RNASEH1: variants seen among roughly 807,000 people sequenced by gnomAD.
RNASEH1 encodes the protein ribonuclease H1, also known as ribonuclease H type II.
RNASEH1 carries 27 observed loss-of-function variants against 34.6 expected under a neutral mutation model. The observed-to-expected ratio is 0.78, with a 90% CI of 0.58 to 1.08. The LOEUF is 1.08. Among genes scored for constraint, RNASEH1 ranks in the 50% least tolerant of loss-of-function variants. The probability of loss-of-function intolerance (pLI) is 0.00; values close to 1 mark genes in which losing one functional copy is unlikely to be tolerated. For missense variants in RNASEH1, 349 were observed against 373.6 expected (o/e 0.93, Z 0.54); for synonymous variants, 162 against 138.4 (o/e 1.17, Z -1.20).
In RNASEH1 at chr2:3,552,213, A is replaced by T; in HGVS notation, c.340T>A (p.Tyr114Asn). 1 of 1,613,390 alleles carries T rather than the reference A, an allele frequency of 6.2e-7. No individual in the cohort carries two copies. The highest frequency in any genetic ancestry group is 1.7e-5 in the Admixed American group (1 of 59,998). The change falls in exon 3 of 8, where the codon TAT (tyrosine) becomes AAT (asparagine). Residue 114 changes from tyrosine to asparagine, a missense_variant. Around this residue, in one of 2 missense-constraint regions of RNASEH1, gnomAD observed 256 missense variants for 240.7 expected, o/e 1.06. Transcript: ENST00000315212. The stretch of plus-strand genomic sequence containing the variant: ...ACGCTCGGCTTCATGTGCTTTGCAT[A>T]CGGCTCTGCGCTTTCATGTCCATCT... ...DGDGHESAEP[Y>N]AKHMKPSVEP...
At position 3,558,135 on chromosome 2, in the gene RNASEH1, G is replaced by A; in HGVS notation, c.126C>T (p.Thr42=). Residue 42 remains threonine (T), a splice_region_variant and synonymous_variant, in exon 1 of 8, where the codon ACC becomes ACT. Transcript: ENST00000315212. ...GCCTCGGCGGGCGGGCCACTCACCA[G>A]GTCAGAAAGACCCCGGTCTTGCGGC... ...RRGRKTGVFL[T]WNECRAQVDR... 1 of 1,597,312 alleles carries A rather than the reference G, an allele frequency of 6.3e-7. No homozygotes were observed. The highest frequency in any genetic ancestry group is 8.5e-7 in the Non-Finnish European group (1 of 1,174,056).
intron 1 of RNASEH1, chr2:3,557,674 C>A: frequency 4.8e-6 from 2 of 417,010 alleles, no homozygotes; most frequent in South Asian, 1.8e-5. Context: ...ATCCCTCTCA[C>A]CTCCAAGGGT....
intron 3 of RNASEH1, among the ~76,000 whole-genome samples, 175 bp from the exon 4 acceptor site, chr2:3,550,647 T>A (rs1453289098): frequency 1.3e-5 from 2 of 152,186 alleles, no homozygotes; most frequent in African/African-American, 4.8e-5. Flanking sequence ...ACCTAACATT[T>A]ATGCTTGGAA....
chr2:3,551,517 T>C (rs1659903973), intron 3 of RNASEH1, among the ~76,000 whole-genome samples: 2 of 152,246 alleles, frequency 1.3e-5, no homozygotes, highest in Non-Finnish European at 2.9e-5. Context: ...CTGCAAAACA[T>C]ATCTATAAAT....
chr2:3,554,336 A>C (rs1660278474), intron 2 of RNASEH1, among the ~76,000 whole-genome samples: 2 of 152,238 alleles, frequency 1.3e-5, no homozygotes, highest in Non-Finnish European at 2.9e-5. Flanking sequence ...TTACTATAAC[A>C]GAGATGGACA....
chr2:3,549,900 C>T (rs555999435), intron 4 of RNASEH1, among the ~76,000 whole-genome samples: 8 of 150,604 alleles, frequency 5.3e-5, no homozygotes, highest in Admixed American at 2.6e-4. Context: ...GAGCCGAGAT[C>T]GCGCCACTGC....
In RNASEH1 at chr2:3,550,424, C is replaced by T. The variant is rs1280401742; in HGVS notation, c.458G>A (p.Arg153His). ...YTDGCCSSNG[R>H]RRPRAGIGVY... ...GCCGATTCCTGCTCGCGGCCTTCTA[C>T]GCCCATTACTGGAGCAGCAGCCATC... Residue 153 changes from arginine to histidine, a missense_variant, in exon 4 of 8, where the codon CGT (arginine) becomes CAT (histidine). By Grantham distance (29) the Arg-to-His change is conservative (BLOSUM62 0). Coordinates refer to ENST00000315212, the MANE Select transcript of RNASEH1 (RefSeq NM_002936.6). 3.1e-6 allele frequency: 5 copies of T among 1,614,006 alleles called. No homozygotes were observed. Among genetic ancestry groups the T allele is most frequent in the Non-Finnish European group, 8.5e-7 (1 of 1,180,010 alleles).
chr2:3,542,297 A>G lies in RNASEH1; in HGVS notation c.*3488T>C, dbSNP rs1668369294. On this transcript the variant is annotated 3_prime_UTR_variant, in exon 8 of 8. Coordinates refer to ENST00000315212, the MANE Select transcript of RNASEH1 (RefSeq NM_002936.6). ...TACCAACACATGACACATTCGAATAAAACGGCCGACTTGACAGAAAAAGGA... is the reference window on the plus strand; with the variant it reads ...TACCAACACATGACACATTCGAATAGAACGGCCGACTTGACAGAAAAAGGA... Among the ~76,000 whole-genome samples, 1 of 152,240 alleles carries G rather than the reference A, an allele frequency of 6.6e-6. No individual in the cohort carries two copies. Among genetic ancestry groups the G allele is most frequent in the Non-Finnish European group, 1.5e-5 (1 of 68,040 alleles).
intron 2 of RNASEH1, among the ~76,000 whole-genome samples, chr2:3,554,619 A>T (rs550991214): frequency 6.6e-5 from 10 of 152,250 alleles, no homozygotes; most frequent in Non-Finnish European, 1.5e-4. Flanking sequence ...GGAGGTCTCT[A>T]AAGTTTAAAG....
rs535687096 is a variant in RNASEH1, at chr2:3,543,616, ATTC to A, written c.*2166_*2168del. ...CCACCAAGTATGCTTAACTCCACAAATTCTTTTTTTTTTTTAAGACAAGGACTT... is the reference window on the plus strand; with the variant it reads ...CCACCAAGTATGCTTAACTCCACAAATTTTTTTTTTTTAAGACAAGGACTT... On this transcript the variant is annotated 3_prime_UTR_variant, in exon 8 of 8. Coordinates refer to ENST00000315212, the MANE Select transcript of RNASEH1 (RefSeq NM_002936.6). Among the ~76,000 whole-genome samples the A allele has an allele frequency of 2.6e-5, 4 of 152,090 alleles. No homozygotes were observed. The South Asian group carries it at 8.3e-4, about 32-fold the overall frequency.
Position 3,544,595 on chromosome 2 carries a change from TG to T in RNASEH1, c.*1189del, listed in dbSNP as rs545877586. Among the ~76,000 whole-genome samples, 407 of 152,234 alleles carry T rather than the reference TG, an allele frequency of 2.7e-3. 3 individuals are homozygous for T. The highest frequency in any genetic ancestry group is 9.4e-3 in the African/African-American group (389 of 41,526). On this transcript the variant is annotated 3_prime_UTR_variant, in exon 8 of 8. Transcript: ENST00000315212. Reference sequence around the variant, plus strand: ...AGAGGGCTGTGGCTGGAGGGGCACTTGGGAGAGCCTCCTGGGGTATCTGGCA... The same window carrying T: ...AGAGGGCTGTGGCTGGAGGGGCACTTGGAGAGCCTCCTGGGGTATCTGGCA...
chr2:3,556,308 G>GTTTT (rs1183563934), intron 2 of RNASEH1, among the ~76,000 whole-genome samples: 1 of 138,352 alleles, frequency 7.2e-6, no homozygotes, highest in Non-Finnish European at 1.6e-5. Context: ...AACTATGTAA[G>GTTTT]TTTTTTTTTT....
chr2:3,550,200 C>A, intron 4 of RNASEH1, 173 bp downstream of exon 4: 1 of 506,082 alleles, frequency 2.0e-6, no homozygotes, highest in Non-Finnish European at 3.7e-6. Flanking sequence ...ACCTCACGTT[C>A]TGAAAAGCAA....
At chr2:3,558,027 G>A in intron 1 of RNASEH1, 106 bp downstream of exon 1, 1 of 1,473,824 alleles carries the variant, frequency 6.8e-7, no homozygotes, top group Non-Finnish European at 9.0e-7. Context: ...CACAGCGCGC[G>A]GCACAGACTC....
At chr2:3,545,937 GTCA>G in intron 7 of RNASEH1, 66 bp from the exon 8 acceptor site, 4 of 1,184,748 alleles carry the variant, frequency 3.4e-6, no homozygotes, top group Non-Finnish European at 5.0e-6. Context: ...TGACTATATT[GTCA>G]TCATAAAAAA....
Position 3,558,193 on chromosome 2 carries a change from C to A in RNASEH1, c.68G>T (p.Arg23Leu). 6.2e-7 allele frequency: 1 copy of A among 1,601,694 alleles called. No homozygotes were observed. Among genetic ancestry groups the A allele is most frequent in the African/African-American group, 1.4e-5 (1 of 73,700 alleles). Reference sequence around the variant, plus strand: ...CACGGCATAGAACATCCCGAACCCGCGAGAGCCGCGGCGGCAGGGCAAGGC... The same window carrying A: ...CACGGCATAGAACATCCCGAACCCGAGAGAGCCGCGGCGGCAGGGCAAGGC... The part of the protein sequence containing the change: ...LAALPCRRGS[R>L]GFGMFYAVRR... The change falls in exon 1 of 8, where the codon CGC becomes CTC. Residue 23 changes from arginine (R) to leucine (L), a missense_variant. Arg to Leu is a moderately radical substitution (Grantham distance 102). This residue lies in a region of RNASEH1 where 256 missense variants were observed against 240.7 expected (regional missense o/e 1.06). Transcript: ENST00000315212.
the RNASEH1 span, chr2:3,532,224 C>G: frequency 1.4e-6 from 1 of 701,738 alleles, no homozygotes; most frequent in Non-Finnish European, 2.6e-6. Context: ...TCAAGGCATT[C>G]ACTCCGTCTG....
chr2:3,549,237 C>T, intron 4 of RNASEH1, 125 bp from the exon 5 acceptor site: 1 of 828,066 alleles, frequency 1.2e-6, no homozygotes. Context: ...ATATAAAAAT[C>T]AAACTAACAG....
chr2:3,552,292 A>G lies in RNASEH1; in HGVS notation c.261T>C (p.His87=), dbSNP rs568073028. The part of the protein sequence containing the change: ...PEVSEGHENQ[H]GQESEAKASK... ...TGGCTTTCGCCTCCGATTCTTGTCC[A>G]TGTTGATTTTCATGCCCTGAAAGAC... Residue 87 remains histidine (H), a synonymous_variant, in exon 3 of 8, where the codon CAT becomes CAC. Transcript: ENST00000315212. 4.3e-6 allele frequency: 7 copies of G among 1,613,276 alleles called. No individual in the cohort carries two copies. In the East Asian group the frequency reaches 1.1e-4, roughly 26 times the overall value.
Sources: gnomAD v4.1 joint callset for allele counts (sites outside exome capture counted in the v4.1 genomes callset) on GRCh38, gnomAD v4.1.1 for gene constraint, gnomAD v4.1.1 regional missense constraint, MANE v1.5 for transcripts, NCBI Gene and HGNC (gene_info 2026-07-23, HGNC 2026-07-21) for gene names.